Variants in ABCA1 observed in about 807,000 individuals in gnomAD.
ABCA1 encodes the protein ATP binding cassette subfamily A member 1, also known as phospholipid-transporting ATPase ABCA1.
A neutral mutation model predicts 262.5 loss-of-function variants in ABCA1; 133 were observed. The observed-to-expected ratio is 0.51, with a 90% confidence interval of 0.44 to 0.59. The LOEUF (loss-of-function observed/expected upper bound fraction) is 0.59, where lower values mean the gene tolerates loss of function less well. Ranked by LOEUF, ABCA1 falls within the 20% of genes least tolerant of loss-of-function variation. The probability of loss-of-function intolerance (pLI) is 0.00; values close to 1 mark genes in which losing one functional copy is unlikely to be tolerated. For missense variants in ABCA1, 2,452 were observed against 2,777.5 expected, an observed-to-expected ratio of 0.88 and a Z score of 2.63; for synonymous variants, 1,022 against 1,043.5, an observed-to-expected ratio of 0.98 and a Z score of 0.40.
chr9:104,821,582 G>A (rs1462979054), intron 19 of ABCA1, 76 bp from the exon 20 acceptor site: 14 of 1,564,998 alleles, frequency 8.9e-6, no homozygotes, highest in South Asian at 1.1e-5. Flanking sequence ...TCAGTCTGCA[G>A]AGAGAACAGA....
At chr9:104,862,635 G>T (rs1194236423) in intron 5 of ABCA1, among the ~76,000 whole-genome samples, 2 of 1,430 alleles carry the variant, frequency 1.4e-3, no homozygotes, top group African/African-American at 5.1e-3. Context: ...GCAGACTGCC[G>T]GGCCGGGCCG....
chr9:104,861,729 G>GGA lies in ABCA1; in HGVS notation c.491_492dup (p.Pro165SerfsTer10). 1.2e-6 allele frequency: 2 copies of GGA among 1,613,920 alleles called. No individual in the cohort carries two copies. The highest frequency in any genetic ancestry group is 1.7e-6 in the Non-Finnish European group (2 of 1,179,926). ...AGCATCTTGTCCACAGTAGACTTTGGGAGAGAGAGGTTGTGATACAGGAAC... is the reference window on the plus strand; with the variant it reads ...AGCATCTTGTCCACAGTAGACTTTGGGAGAGAGAGAGGTTGTGATACAGGAAC... On this transcript the variant is annotated frameshift_variant, in exon 6 of 50. Transcript: ENST00000374736. LOFTEE classifies it high-confidence loss of function.
At chr9:104,922,665 C>A (rs1842203261) in intron 1 of ABCA1, among the ~76,000 whole-genome samples, 1 of 152,198 alleles carries the variant, frequency 6.6e-6, no homozygotes. Flanking sequence ...TAATTCATTA[C>A]ACCAATTAAT....
chr9:104,915,163 T>C (rs937994161), intron 1 of ABCA1, among the ~76,000 whole-genome samples: 1 of 152,228 alleles, frequency 6.6e-6, no homozygotes, highest in Admixed American at 6.5e-5. Context: ...AGTTATCCAA[T>C]CTCCAGGCTC....
chr9:104,924,881 C>A (rs1350314526), intron 1 of ABCA1, among the ~76,000 whole-genome samples: 2 of 152,126 alleles, frequency 1.3e-5, no homozygotes, highest in African/African-American at 4.8e-5. Flanking sequence ...CAACCAACTC[C>A]TCTCCAAAAA....
Position 104,825,554 on chromosome 9 carries a change from A to C in ABCA1, c.2542+129T>G, listed in dbSNP as rs145248363. 1.6e-3 allele frequency: 1,452 copies of C among 890,214 alleles called. 15 individuals carry two copies. In the African/African-American group the frequency reaches 0.019, roughly 12 times the overall value. 55.1% of individuals were successfully genotyped at this position (890,214 alleles called of 1,614,324 possible). On this transcript the variant is annotated intron_variant, in intron 17 of 49. Coordinates refer to ENST00000374736, the MANE Select transcript of ABCA1 (RefSeq NM_005502.4). Reference sequence around the variant, plus strand: ...AGCATCAGCTGCCTGTCCTTGGACTATCTGTTTACTATAGATCTATAGCCC... The same window carrying C: ...AGCATCAGCTGCCTGTCCTTGGACTCTCTGTTTACTATAGATCTATAGCCC...
At chr9:104,846,134 T>C (rs1221279145) in intron 7 of ABCA1, among the ~76,000 whole-genome samples, 1 of 152,242 alleles carries the variant, frequency 6.6e-6, no homozygotes, top group Non-Finnish European at 1.5e-5. Context: ...ATTGCTGTTA[T>C]ATGTCACCTA....
intron 1 of ABCA1, among the ~76,000 whole-genome samples, chr9:104,916,465 C>T (rs776584713): frequency 1.3e-5 from 2 of 152,164 alleles, no homozygotes; most frequent in Middle Eastern, 3.2e-3. Context: ...ATTTCAGTGT[C>T]CATTTTAAGC....
rs1377942275 is a variant in ABCA1 at position 104,819,958 on chromosome 9, G to A, written c.3072C>T (p.Ser1024=). 6.2e-7 allele frequency: 1 copy of A among 1,613,912 alleles called. No homozygotes were observed. Among genetic ancestry groups the A allele is most frequent in the Admixed American group, 1.7e-5 (1 of 60,016 alleles). The change falls in exon 21 of 50, where the codon AGC becomes AGT. Residue 1024 remains serine (S), a synonymous_variant. Transcript: ENST00000374736. ...GCTGGCTTGTTTTGCTTTTCAGCTT[G>A]CTTGATGGCAAACCAACATCCAGGG... ...QMALDVGLPS[S]KLKSKTSQLS...
chr9:104,830,396 A>AT (rs1491021979), intron 14 of ABCA1, among the ~76,000 whole-genome samples: 3 of 152,194 alleles, frequency 2.0e-5, no homozygotes, highest in African/African-American at 7.2e-5. Context: ...AGTGTAAAAA[A>AT]TTAAAGTGGT....
At chr9:104,924,520 G>C (rs1842317848) in intron 1 of ABCA1, among the ~76,000 whole-genome samples, 1 of 151,340 alleles carries the variant, frequency 6.6e-6, no homozygotes, top group South Asian at 2.1e-4. Flanking sequence ...TGAGGCAGGA[G>C]AATCACCTGA....
chr9:104,791,567 C>T (rs1469415380), intron 43 of ABCA1, among the ~76,000 whole-genome samples: 2 of 152,120 alleles, frequency 1.3e-5, no homozygotes, highest in African/African-American at 4.8e-5. Flanking sequence ...GCTGGGACTA[C>T]AGGAATGCAC....
intron 5 of ABCA1, among the ~76,000 whole-genome samples, chr9:104,878,970 T>C (rs899504603): frequency 6.6e-6 from 1 of 151,610 alleles, no homozygotes; most frequent in Non-Finnish European, 1.5e-5. Flanking sequence ...TGAGTGGTAG[T>C]GTCTACAGAA....
rs2066715 is a variant in ABCA1, at chr9:104,825,752, C to T, written c.2473G>A (p.Val825Ile). 0.068 allele frequency: 109,288 copies of T among 1,614,094 alleles called. 6,225 individuals are homozygous for T. Among genetic ancestry groups the T allele is most frequent in the East Asian group, 0.38 (17,153 of 44,852 alleles). ...EEDGFNLTTS[V>I]SMMLFDTFLY... Reference sequence around the variant, plus strand: ...AAGGTGTCAAACAGCATCATGGAGACCGAAGTGGTGAGATTGAAGCCATCT... The same window carrying T: ...AAGGTGTCAAACAGCATCATGGAGATCGAAGTGGTGAGATTGAAGCCATCT... Residue 825 changes from valine to isoleucine, a missense_variant, in exon 17 of 50, where the codon GTC becomes ATC. Coordinates refer to ENST00000374736, the MANE Select transcript of ABCA1 (RefSeq NM_005502.4).
intron 37 of ABCA1, 34 bp from the exon 38 acceptor site, chr9:104,796,458 C>G (rs754483018): frequency 2.6e-6 from 4 of 1,544,606 alleles, no homozygotes; most frequent in Non-Finnish European, 3.6e-6. Flanking sequence ...CAGTTCACCC[C>G]TAAATCAAAT....
rs1366305697 is a variant in ABCA1, at chr9:104,855,864, C to T, written c.720+2658G>A. The T allele has an allele frequency of 2.5e-6, 4 of 1,612,704 alleles. No individual in the cohort carries two copies. In the South Asian group the frequency reaches 4.4e-5, roughly 18 times the overall value. ...TTCTGAAGGAGGCCCAGGAGAAACT[C>T]ACAATACCCTTGGCTGGAAACAGGG... On this transcript the variant is annotated intron_variant, in intron 7 of 49. Transcript: ENST00000374736.
intron 2 of ABCA1, among the ~76,000 whole-genome samples, chr9:104,896,587 T>C (rs927506335): frequency 1.3e-5 from 2 of 151,934 alleles, no homozygotes; most frequent in Non-Finnish European, 2.9e-5. Flanking sequence ...TGGGGGACAA[T>C]GAGCTCCCCC....
At chr9:104,829,238 A>G (rs1481720787) in intron 14 of ABCA1, 100 bp from the exon 15 acceptor site, 1 of 1,167,618 alleles carries the variant, frequency 8.6e-7, no homozygotes, top group East Asian at 2.5e-5. Flanking sequence ...GGAGCACCAC[A>G]TCTGGGCCAC....
At chr9:104,866,686 T>C (rs982418754) in intron 5 of ABCA1, among the ~76,000 whole-genome samples, 2 of 152,074 alleles carry the variant, frequency 1.3e-5, no homozygotes, top group African/African-American at 4.8e-5. Flanking sequence ...TGGGGTTTCA[T>C]CATGTTGGCC....
Sources: allele counts gnomAD v4.1 joint callset (sites outside exome capture counted in the v4.1 genomes callset), GRCh38; gene constraint gnomAD v4.1.1; transcripts MANE v1.5; gene names NCBI Gene and HGNC (gene_info 2026-07-23, HGNC 2026-07-21).